The following FMN2 variants were observed in gnomAD, a reference collection of about 807,000 sequenced individuals.
FMN2 encodes the protein formin-2.
In FMN2, 51 loss-of-function variants were observed where a neutral mutation model predicts 142.3. The observed-to-expected ratio is 0.36, with a 90% CI of 0.29 to 0.45. The LOEUF (loss-of-function observed/expected upper bound fraction) is 0.45. Among genes scored for constraint, FMN2 ranks in the 20% least tolerant of loss-of-function variants. The pLI is 1.00. For missense variants in FMN2, 1,936 were observed against 2,122.8 expected (o/e 0.91, Z 1.73); for synonymous variants, 882 against 869.8 (o/e 1.01, Z -0.25).
intron 3 of FMN2, chr1:240,179,440 A>G (rs1188782602): frequency 2.0e-5 from 3 of 152,106 alleles, no homozygotes; most frequent in African/African-American, 7.2e-5. Context: ...GTGCTTTTGA[A>G]ACACTGTTTG....
intron 14 of FMN2, 23 bp from the exon 15 acceptor site, chr1:240,392,488 C>T: frequency 6.2e-7 from 1 of 1,604,274 alleles, no homozygotes; most frequent in Non-Finnish European, 8.5e-7. Flanking sequence ...ATCTCATGTA[C>T]TTTTATTTTC....
intron 7 of FMN2, among the ~76,000 whole-genome samples, chr1:240,258,809 G>C (rs1668533488): frequency 6.6e-6 from 1 of 152,160 alleles, no homozygotes; most frequent in Admixed American, 6.5e-5. Context: ...TGTCCCTTAA[G>C]CTGACTAGAA....
chr1:240,397,785 C>CAAAAAAAAAAAAAA (rs35826717), intron 15 of FMN2, among the ~76,000 whole-genome samples: 1 of 46,816 alleles, frequency 2.1e-5, no homozygotes, highest in Non-Finnish European at 3.9e-5. Context: ...GACTCCTTCT[C>CAAAAAAAAAAAAAA]AAAAAAAAAA....
chr1:240,372,001 C>T (rs895491347), intron 14 of FMN2, among the ~76,000 whole-genome samples: 1 of 151,880 alleles, frequency 6.6e-6, no homozygotes, highest in Non-Finnish European at 1.5e-5. Context: ...TTTGGGAGGC[C>T]GAGGCGGGTG....
At chr1:240,118,697 G>A (rs1662118692) in intron 1 of FMN2, among the ~76,000 whole-genome samples, 1 of 152,166 alleles carries the variant, frequency 6.6e-6, no homozygotes, top group Admixed American at 6.5e-5. Flanking sequence ...TGGAGAAAAT[G>A]TTAGCTGGAG....
At chr1:240,451,143 G>A (rs1026791033) in intron 16 of FMN2, among the ~76,000 whole-genome samples, 2 of 152,048 alleles carry the variant, frequency 1.3e-5, no homozygotes, top group Non-Finnish European at 2.9e-5. Flanking sequence ...CGAGGCGGGT[G>A]GATCACGAGG....
Position 240,206,930 on chromosome 1 carries a change from T to G in FMN2, c.2118T>G (p.Ser706Arg). 6.2e-7 allele frequency: 1 copy of G among 1,614,106 alleles called. No individual in the cohort carries two copies. The highest frequency in any genetic ancestry group is 8.5e-7 in the Non-Finnish European group (1 of 1,180,010). The change falls in exon 5 of 18, where the codon AGT becomes AGG. Residue 706 changes from serine (S) to arginine (R), a missense_variant. Ser to Arg is a moderately radical substitution (Grantham distance 110). This residue lies in a region of FMN2 where 478 missense variants were observed against 462.8 expected (regional missense o/e 1.03). Coordinates refer to ENST00000319653, the MANE Select transcript of FMN2 (RefSeq NM_020066.5). ...QYPALDTEVA[S>R]GHQGLENGVT... The stretch of plus-strand genomic sequence containing the variant: ...CTGCCCTGGACACAGAGGTGGCCAG[T>G]GGTCATCAAGGGCTTGAGAATGGAG...
intron 2 of FMN2, among the ~76,000 whole-genome samples, chr1:240,167,236 A>ATGTT (rs1213581977): frequency 1.3e-5 from 2 of 152,186 alleles, no homozygotes; most frequent in Admixed American, 1.3e-4. Flanking sequence ...ACTGGTAGTA[A>ATGTT]TGTTAGTGCT....
intron 7 of FMN2, among the ~76,000 whole-genome samples, chr1:240,291,627 G>A (rs1669796246): frequency 1.3e-5 from 2 of 152,144 alleles, no homozygotes; most frequent in South Asian, 4.1e-4. Flanking sequence ...ACAAGACAGA[G>A]TATAATGAAG....
chr1:240,140,613 T>G (rs1663140004), intron 2 of FMN2, among the ~76,000 whole-genome samples: 1 of 152,004 alleles, frequency 6.6e-6, no homozygotes, highest in South Asian at 2.1e-4. Context: ...TACTTCATGA[T>G]ATTTACAGGA....
At chr1:240,201,630 A>T (rs1288723761) in intron 4 of FMN2, among the ~76,000 whole-genome samples, 1 of 152,210 alleles carries the variant, frequency 6.6e-6, no homozygotes, top group African/African-American at 2.4e-5. Flanking sequence ...CACTGAAAAT[A>T]ATTTTAATTT....
At chr1:240,346,341 A>G (rs1671906773) in intron 13 of FMN2, among the ~76,000 whole-genome samples, 1 of 152,118 alleles carries the variant, frequency 6.6e-6, no homozygotes, top group Non-Finnish European at 1.5e-5. Context: ...GTATACAAAT[A>G]TTATTTGTAT....
At chr1:240,371,812 A>T (rs865781274) in intron 14 of FMN2, among the ~76,000 whole-genome samples, 1 of 152,198 alleles carries the variant, frequency 6.6e-6, no homozygotes, top group Non-Finnish European at 1.5e-5. Flanking sequence ...ATGGTTTCCT[A>T]AGTCTCCTCT....
intron 4 of FMN2, among the ~76,000 whole-genome samples, chr1:240,206,037 G>T (rs920158918): frequency 3.3e-5 from 5 of 152,084 alleles, no homozygotes; most frequent in African/African-American, 1.2e-4. Flanking sequence ...CAAGTAGCTG[G>T]GACTACAGGC....
chr1:240,447,203 GTTAAGCTCAGTT>G (rs893362165), intron 16 of FMN2, among the ~76,000 whole-genome samples: 31 of 152,254 alleles, frequency 2.0e-4, no homozygotes, highest in African/African-American at 7.0e-4. Context: ...GTAATGAGAC[GTTAAGCTCAGTT>G]TTAAAAGGAA....
intron 15 of FMN2, among the ~76,000 whole-genome samples, chr1:240,416,533 G>A (rs914186920): frequency 2.0e-5 from 3 of 152,064 alleles, no homozygotes; most frequent in Non-Finnish European, 2.9e-5. Flanking sequence ...GCCTCCCAAA[G>A]TGCTGGGATT....
In FMN2 at chr1:240,334,156, C is replaced by T. The variant is rs767002752; in HGVS notation, c.4692C>T (p.Asp1564=). The T allele has an allele frequency of 2.5e-6, 4 of 1,609,664 alleles. No homozygotes were observed. In the South Asian group the frequency reaches 4.5e-5, roughly 18 times the overall value. The part of the protein sequence containing the change: ...QCLFPLPEPQ[D]LFQASQMKFE... ...TCTTTCCACTGCCAGAACCCCAGGA[C>T]CTTTTTCAGGCCTCACAGATGAAGT... The change falls in exon 13 of 18, where the codon GAC becomes GAT. Residue 1564 remains aspartate (D), a synonymous_variant. Transcript: ENST00000319653.
chr1:240,355,951 C>CAAAAAA lies in FMN2; in HGVS notation c.4858+73_4858+78dup, dbSNP rs58002724. The CAAAAAA allele has an allele frequency of 8.0e-4, 202 of 252,630 alleles. 14 individuals are homozygous for CAAAAAA. The highest frequency in any genetic ancestry group is 2.1e-3 in the African/African-American group (54 of 25,918). The allele number at this position is 252,630 out of a possible 1,614,324, so 15.6% of individuals were successfully genotyped here. ...GTGTTATGTTTTTCTCCCCTTTCAG[C>CAAAAAA]AAAAAAAAAAAAAAAAAAAAAAAAA... On this transcript the variant is annotated intron_variant, in intron 14 of 17. Transcript: ENST00000319653.
chr1:240,369,667 C>T (rs538867124), intron 14 of FMN2, among the ~76,000 whole-genome samples: 7 of 152,154 alleles, frequency 4.6e-5, no homozygotes, highest in Non-Finnish European at 8.8e-5. Context: ...TTTCAGCCGC[C>T]TGGAGGCCTC....
Sources: gnomAD v4.1 joint callset for allele counts (sites outside exome capture counted in the v4.1 genomes callset) on GRCh38, gnomAD v4.1.1 for gene constraint, gnomAD v4.1.1 regional missense constraint, MANE v1.5 for transcripts, NCBI Gene and HGNC (gene_info 2026-07-23, HGNC 2026-07-21) for gene names.